The following TANC1 variants were observed in gnomAD, a reference collection of about 807,000 sequenced individuals.
TANC1 encodes the protein protein TANC1.
Under a neutral mutation model 149.7 loss-of-function variants are expected in TANC1, and 77 were observed. The ratio of observed to expected loss-of-function variants is 0.51; its 90% CI spans 0.43 to 0.62. The LOEUF is 0.62. Among genes scored for constraint, TANC1 ranks in the 20% least tolerant of loss-of-function variants. TANC1 has a pLI of 0.00. For missense variants in TANC1, 1,985 were observed against 2,321.8 expected (o/e 0.85, Z 2.98); for synonymous variants, 854 against 925.0 (o/e 0.92, Z 1.39).
At chr2:159,112,876 C>T (rs953407110) in intron 4 of TANC1, among the ~76,000 whole-genome samples, 9 of 151,836 alleles carry the variant, frequency 5.9e-5, no homozygotes, top group African/African-American at 2.2e-4. Flanking sequence ...CCACCACACC[C>T]AGCCAGTATT....
intron 19 of TANC1, among the ~76,000 whole-genome samples, chr2:159,200,346 A>G (rs1420603940): frequency 6.6e-6 from 1 of 152,220 alleles, no homozygotes; most frequent in Non-Finnish European, 1.5e-5. Context: ...CAAGCATCCC[A>G]AGTCATTTCA....
chr2:159,066,093 A>G, intron 3 of TANC1, 122 bp downstream of exon 3: 1 of 781,490 alleles, frequency 1.3e-6, no homozygotes, highest in South Asian at 1.4e-5. Context: ...GGTTAGAACA[A>G]ACAGTGTGCT....
At chr2:159,147,832 C>T (rs1480380311) in intron 5 of TANC1, 2 of 152,332 alleles carry the variant, frequency 1.3e-5, no homozygotes, top group African/African-American at 2.4e-5. Flanking sequence ...GAAGCTTTTC[C>T]TTTCTTGAAG....
intron 2 of TANC1, chr2:159,004,130 A>T: frequency 6.2e-7 from 1 of 1,612,284 alleles, no homozygotes. Flanking sequence ...AACCAATCAC[A>T]GAAATGCTTC....
intron 3 of TANC1, among the ~76,000 whole-genome samples, chr2:159,096,549 C>G (rs1234404767): frequency 6.6e-6 from 1 of 152,130 alleles, no homozygotes; most frequent in Non-Finnish European, 1.5e-5. Context: ...CACACCTGGA[C>G]AGGGGAGGGG....
Position 159,199,021 on chromosome 2 carries a change from T to C in TANC1, c.3212T>C (p.Val1071Ala). Residue 1071 changes from valine (V) to alanine (A), a missense_variant, in exon 19 of 27, where the codon GTC becomes GCC. Physicochemically the swap from Val to Ala is moderately conservative, Grantham distance 64. Around this residue, in one of 3 missense-constraint regions of TANC1, gnomAD observed 920 missense variants for 994.7 expected, o/e 0.92. Coordinates refer to ENST00000263635, the MANE Select transcript of TANC1 (RefSeq NM_033394.3). ...ATGGAGAAGGAACATGAAGTAGAAG[T>C]CAATGGCACCGACACATTGTGGGGA... The part of the protein sequence containing the change: ...LGMEKEHEVE[V>A]NGTDTLWGET... The C allele has an allele frequency of 6.2e-7, 1 of 1,614,066 alleles. No individual in the cohort carries two copies.
chr2:158,994,205 G>A (rs140118908), intron 1 of TANC1, among the ~76,000 whole-genome samples: 2 of 152,284 alleles, frequency 1.3e-5, no homozygotes, highest in African/African-American at 2.4e-5. Context: ...TCTTTTTGGG[G>A]TGAGAGGTGG....
At chr2:159,005,499 G>C (rs970144296) in intron 2 of TANC1, among the ~76,000 whole-genome samples, 5 of 152,020 alleles carry the variant, frequency 3.3e-5, no homozygotes. Context: ...GAGGTGGGAG[G>C]ATCACCTGAG....
chr2:159,096,612 A>G (rs142353093), intron 3 of TANC1, among the ~76,000 whole-genome samples: 6 of 152,278 alleles, frequency 3.9e-5, no homozygotes, highest in Non-Finnish European at 7.4e-5. Context: ...TTGTTCCCCT[A>G]TTGGCTAGGG....
At chr2:159,069,604 A>G (rs1029225289) in intron 3 of TANC1, among the ~76,000 whole-genome samples, 2 of 152,168 alleles carry the variant, frequency 1.3e-5, no homozygotes, top group Non-Finnish European at 2.9e-5. Flanking sequence ...GTATTGTGAT[A>G]TTAAATCTGG....
At chr2:159,032,215 G>A (rs570402425) in intron 2 of TANC1, among the ~76,000 whole-genome samples, 20 of 152,322 alleles carry the variant, frequency 1.3e-4, no homozygotes, top group African/African-American at 4.8e-4. Flanking sequence ...AAAGATGGAT[G>A]AGAATAATGA....
chr2:159,213,706 C>A (rs2150878982), intron 19 of TANC1, among the ~76,000 whole-genome samples: 1 of 152,248 alleles, frequency 6.6e-6, no homozygotes, highest in African/African-American at 2.4e-5. Flanking sequence ...TTAAGAACGG[C>A]TCTTCCTGTA....
intron 2 of TANC1, among the ~76,000 whole-genome samples, chr2:159,032,586 A>T (rs1025080943): frequency 6.6e-6 from 1 of 151,980 alleles, no homozygotes; most frequent in Non-Finnish European, 1.5e-5. Context: ...TACTGTTTCG[A>T]ATTTTACAGA....
intron 3 of TANC1, among the ~76,000 whole-genome samples, chr2:159,073,630 T>G (rs2043362696): frequency 6.6e-6 from 1 of 152,250 alleles, no homozygotes; most frequent in East Asian, 1.9e-4. Context: ...TAATTTTATT[T>G]CACAAATTTT....
At chr2:159,187,190 G>A (rs1183237856) in intron 16 of TANC1, among the ~76,000 whole-genome samples, 166 bp downstream of exon 16, 1 of 152,200 alleles carries the variant, frequency 6.6e-6, no homozygotes, top group South Asian at 2.1e-4. Flanking sequence ...TGTATTACTC[G>A]TTCTTCCAGA....
rs10167504 is a variant in TANC1 at position 159,154,118 on chromosome 2, G to A, written c.682+3562G>A. Among the ~76,000 whole-genome samples, 743 of 152,238 alleles carry A rather than the reference G, an allele frequency of 4.9e-3. 4 individuals are homozygous for A. Among genetic ancestry groups the A allele is most frequent in the African/African-American group, 0.017 (721 of 41,544 alleles). On this transcript the variant is annotated intron_variant, in intron 7 of 26. Transcript: ENST00000263635. ...GTTTGGAATGGCAGAGGCTTTGGGGGTGGACTGTTACAAAGTGCACACAGC... is the reference window on the plus strand; with the variant it reads ...GTTTGGAATGGCAGAGGCTTTGGGGATGGACTGTTACAAAGTGCACACAGC...
At chr2:159,172,672 T>C (rs2055385701) in intron 11 of TANC1, among the ~76,000 whole-genome samples, 2 of 152,264 alleles carry the variant, frequency 1.3e-5, no homozygotes, top group African/African-American at 4.8e-5. Flanking sequence ...CTTGGCTTTC[T>C]GACAGAGGTT....
chr2:159,018,414 A>G (rs980840172), intron 2 of TANC1, among the ~76,000 whole-genome samples: 5 of 152,222 alleles, frequency 3.3e-5, no homozygotes, highest in African/African-American at 1.2e-4. Context: ...TATTAACAGT[A>G]TAATTCTAGC....
intron 5 of TANC1, among the ~76,000 whole-genome samples, chr2:159,139,413 G>A (rs2051120844): frequency 6.6e-6 from 1 of 152,180 alleles, no homozygotes; most frequent in Non-Finnish European, 1.5e-5. Flanking sequence ...GGTAGAATAA[G>A]TTCTTAATGA....
Sources: allele counts gnomAD v4.1 joint callset (sites outside exome capture counted in the v4.1 genomes callset), GRCh38; gene constraint gnomAD v4.1.1; regional missense constraint gnomAD v4.1.1; transcripts MANE v1.5; gene names NCBI Gene and HGNC (gene_info 2026-07-23, HGNC 2026-07-21).